Variants in KCNH1 observed in about 807,000 individuals in gnomAD.
KCNH1 encodes the protein voltage-gated delayed rectifier potassium channel KCNH1.
KCNH1 carries 27 observed loss-of-function variants against 69.2 expected under a neutral mutation model. The observed-to-expected ratio is 0.39, with a 90% CI of 0.29 to 0.54. KCNH1 has a LOEUF of 0.54. KCNH1 is among the 20% of genes least tolerant of loss of function. The pLI is 0.68. For missense variants in KCNH1, 798 were observed against 1,261.6 expected (o/e 0.63, Z 5.57); for synonymous variants, 456 against 487.7 (o/e 0.93, Z 0.86).
At chr1:211,071,265 G>A (rs1690637480) in intron 5 of KCNH1, among the ~76,000 whole-genome samples, 1 of 152,130 alleles carries the variant, frequency 6.6e-6, no homozygotes, top group African/African-American at 2.4e-5. Context: ...ACTTTTTCTT[G>A]TAACTAGTGC....
At chr1:211,057,066 G>A (rs2102445880) in intron 5 of KCNH1, among the ~76,000 whole-genome samples, 1 of 152,266 alleles carries the variant, frequency 6.6e-6, no homozygotes, top group Middle Eastern at 3.4e-3. Context: ...GAGAGACAGA[G>A]ATATGTGACC....
rs1286692068 is a variant in KCNH1, at chr1:210,683,600, A to G, written c.2651T>C (p.Ile884Thr). 2 of 1,613,930 alleles carry G rather than the reference A, an allele frequency of 1.2e-6. No homozygotes were observed. Among genetic ancestry groups the G allele is most frequent in the Non-Finnish European group, 1.7e-6 (2 of 1,180,018 alleles). Residue 884 changes from isoleucine to threonine, a missense_variant, in exon 11 of 11, where the codon ATC (isoleucine) becomes ACC (threonine). By Grantham distance (89) the Ile-to-Thr change is moderately conservative (BLOSUM62 -1). Coordinates refer to ENST00000271751, the MANE Select transcript of KCNH1 (RefSeq NM_172362.3). The surrounding 1 kb of genome is among the most constrained non-coding windows in gnomAD (Gnocchi z 5.7). ...GTCCAGGCGCAAGTCGCTCTTGGTG[A>G]TGCCACTGTCACACGAGTCTGTCTT... ...LKKTDSCDSG[I>T]TKSDLRLDNV... is the part of the protein sequence containing the mutation.
chr1:210,816,781 C>T (rs2102421112), intron 7 of KCNH1, among the ~76,000 whole-genome samples: 1 of 152,272 alleles, frequency 6.6e-6, no homozygotes, highest in Non-Finnish European at 1.5e-5. Context: ...TAACTAGGCC[C>T]ATTTTCCAAT....
chr1:210,755,742 A>G (rs773164131), intron 10 of KCNH1, among the ~76,000 whole-genome samples: 1 of 152,114 alleles, frequency 6.6e-6, no homozygotes, highest in Non-Finnish European at 1.5e-5. Flanking sequence ...TTCTCAGTGC[A>G]CCTTTCTTTC....
rs557775741 is a variant in KCNH1, at chr1:211,030,515, C to A, written c.559-11259G>T. 1.4e-4 allele frequency among the ~76,000 whole-genome samples: 22 copies of A among 152,236 alleles called. No homozygotes were observed. The East Asian group carries it at 3.9e-3, about 27-fold the overall frequency. ...AACGCAATTTGTGCAGGAAAGACAG[C>A]CTTTTTAACAAACGGCATGGGAACA... On this transcript the variant is annotated intron_variant, in intron 5 of 10. Coordinates refer to ENST00000271751, the MANE Select transcript of KCNH1 (RefSeq NM_172362.3).
intron 6 of KCNH1, among the ~76,000 whole-genome samples, chr1:210,944,062 A>C (rs1186971841): frequency 2.6e-5 from 4 of 152,220 alleles, no homozygotes; most frequent in Non-Finnish European, 5.9e-5. Context: ...GTCCAGCCCC[A>C]GAGGAGGCCA....
rs1681259173 is a variant in KCNH1 at position 210,681,288 on chromosome 1, C to G, written c.*1993G>C. 6.6e-6 allele frequency: 1 copy of G among 152,220 alleles called. No homozygotes were observed. Among genetic ancestry groups the G allele is most frequent in the Non-Finnish European group, 1.5e-5 (1 of 68,050 alleles). 9.4% of individuals were successfully genotyped at this position (152,220 alleles called of 1,614,324 possible). A position where few individuals can be genotyped will look rare whatever the true frequency, so the allele number is the denominator to read the frequency against. ...GTGAAAGAGGCTGAAGGCCTCACAG[C>G]TTTATTCAAAGTCACAGATAGTTGT... is the stretch of plus-strand genomic sequence containing the variant. On this transcript the variant is annotated 3_prime_UTR_variant, in exon 11 of 11. Transcript: ENST00000271751.
At chr1:210,933,293 C>T (rs562312819) in intron 6 of KCNH1, among the ~76,000 whole-genome samples, 3 of 151,478 alleles carry the variant, frequency 2.0e-5, no homozygotes, top group Non-Finnish European at 4.4e-5. Flanking sequence ...TATTCTCACT[C>T]ATAGGTGGGA....
chr1:211,026,691 A>G (rs1227908028), intron 5 of KCNH1, among the ~76,000 whole-genome samples: 1 of 152,156 alleles, frequency 6.6e-6, no homozygotes, highest in East Asian at 1.9e-4. Context: ...CACCTCCACC[A>G]ACAGTAATGA....
chr1:211,113,968 TCTCTCTCACA>T (rs1186678447), intron 1 of KCNH1, among the ~76,000 whole-genome samples: 3 of 129,850 alleles, frequency 2.3e-5, no homozygotes, highest in Non-Finnish European at 5.2e-5. Context: ...TCTCTCTCTC[TCTCTCTCACA>T]CACACACACA....
At chr1:211,029,232 C>T (rs907870103) in intron 5 of KCNH1, among the ~76,000 whole-genome samples, 2 of 136,520 alleles carry the variant, frequency 1.5e-5, no homozygotes, top group Non-Finnish European at 3.1e-5. Flanking sequence ...GCTTGGGAGG[C>T]TGAGGCAGGA....
intron 6 of KCNH1, among the ~76,000 whole-genome samples, chr1:210,982,774 GGTATACACCCA>G (rs1217717048): frequency 6.6e-6 from 1 of 152,046 alleles, no homozygotes; most frequent in Non-Finnish European, 1.5e-5. Context: ...TAATCCTTTG[GGTATACACCCA>G]GTAATGGGAT....
intron 6 of KCNH1, among the ~76,000 whole-genome samples, chr1:211,015,975 A>G (rs1463944264): frequency 1.3e-5 from 2 of 152,222 alleles, no homozygotes; most frequent in African/African-American, 2.4e-5. Context: ...TTGTACTATT[A>G]TTTATGACCA....
chr1:210,966,468 T>A (rs1574367010), intron 6 of KCNH1, among the ~76,000 whole-genome samples: 1 of 151,850 alleles, frequency 6.6e-6, no homozygotes, highest in Admixed American at 6.6e-5. Flanking sequence ...TGGGAGAAAA[T>A]TTTTGCAAGC....
Position 210,804,095 on chromosome 1 carries a change from A to G in KCNH1, c.1534T>C (p.Tyr512His). The change falls in exon 8 of 11, where the codon TAC becomes CAC. Residue 512 changes from tyrosine (Y) to histidine (H), a missense_variant. Transcript: ENST00000271751. ...CGAACACTGTTGAGCATCTCATGGT[A>G]TCTGTTGGTGTTGGCATACATCTGT... ...FQQMYANTNR[Y>H]HEMLNSVRDF... 6.2e-7 allele frequency: 1 copy of G among 1,614,152 alleles called. No homozygotes were observed. Among genetic ancestry groups the G allele is most frequent in the Non-Finnish European group, 8.5e-7 (1 of 1,180,006 alleles).
At chr1:211,091,993 T>C (rs1171757700) in intron 3 of KCNH1, among the ~76,000 whole-genome samples, 1 of 152,248 alleles carries the variant, frequency 6.6e-6, no homozygotes, top group Non-Finnish European at 1.5e-5. Context: ...CAACAGCATC[T>C]AGCAGAACTG....
chr1:210,701,404 A>G (rs921105166), intron 10 of KCNH1, among the ~76,000 whole-genome samples: 5 of 152,148 alleles, frequency 3.3e-5, no homozygotes, highest in African/African-American at 1.2e-4. Context: ...ACTAATCACT[A>G]TATAGGTGAG....
intron 8 of KCNH1, among the ~76,000 whole-genome samples, chr1:210,803,409 A>T (rs1684468720): frequency 6.6e-6 from 1 of 152,206 alleles, no homozygotes; most frequent in Admixed American, 6.5e-5. Flanking sequence ...GCCTGACATC[A>T]TGGGATTCTT....
chr1:210,691,765 G>A (rs981690494), intron 10 of KCNH1, among the ~76,000 whole-genome samples: 2 of 152,220 alleles, frequency 1.3e-5, no homozygotes, highest in African/African-American at 4.8e-5. Context: ...GCATTCGGCT[G>A]TGTGGTCTTT....
Sources: allele counts gnomAD v4.1 joint callset (sites outside exome capture counted in the v4.1 genomes callset), GRCh38; gene constraint gnomAD v4.1.1; non-coding constraint Gnocchi (gnomAD v3.1); transcripts MANE v1.5; gene names NCBI Gene and HGNC (gene_info 2026-07-23, HGNC 2026-07-21).